IGSF10: variants seen among roughly 807,000 people sequenced by gnomAD.
The protein encoded by IGSF10 is calvaria mechanical force protein 608.
IGSF10 carries 126 observed loss-of-function variants against 128.2 expected under a neutral mutation model. The ratio of observed to expected loss-of-function variants is 0.98; its 90% CI spans 0.85 to 1.14. IGSF10 has a LOEUF of 1.14. Ranked by LOEUF, IGSF10 falls within the 50% of genes most tolerant of loss-of-function variation. The pLI is 0.00. For synonymous variants in IGSF10, 1,185 were observed against 1,146.2 expected (o/e 1.03, Z -0.68); for missense variants, 3,295 against 3,149.8 (o/e 1.05, Z -1.10).
At chr3:151,550,699 T>C in the IGSF10 span, among the ~76,000 whole-genome samples, 12 of 152,120 alleles carry the variant, frequency 7.9e-5, no homozygotes, top group Non-Finnish European at 1.6e-4. Context: ...ATTTCTACTG[T>C]CTGACCATGC....
the IGSF10 span, among the ~76,000 whole-genome samples, chr3:151,617,281 T>C: frequency 8.5e-6 from 1 of 117,046 alleles, no homozygotes; most frequent in South Asian, 3.2e-4. Flanking sequence ...CTTCTTCTTC[T>C]TCTTCTTCTT....
At chr3:151,558,934 A>G in the IGSF10 span, among the ~76,000 whole-genome samples, 1 of 152,154 alleles carries the variant, frequency 6.6e-6, no homozygotes, top group African/African-American at 2.4e-5. Flanking sequence ...AGTAAATTTT[A>G]GAAATGTAAT....
chr3:151,445,095 G>T lies in IGSF10; in HGVS notation c.4886C>A (p.Ala1629Glu). 1 of 1,614,164 alleles carries T rather than the reference G, an allele frequency of 6.2e-7. No homozygotes were observed. The highest frequency in any genetic ancestry group is 8.5e-7 in the Non-Finnish European group (1 of 1,180,008). Reference sequence around the variant, plus strand: ...AAAGGGAAGGAGTTTGGAAGTTGTTGCTTCTTGAACTGGTTTCTTATCAAA... The same window carrying T: ...AAAGGGAAGGAGTTTGGAAGTTGTTTCTTCTTGAACTGGTTTCTTATCAAA... ...SDFDKKPVQE[A>E]TTSKLLPFDS... Residue 1629 changes from alanine (A) to glutamate (E), a missense_variant, in exon 6 of 8, where the codon GCA becomes GAA. Transcript: ENST00000282466.
the IGSF10 span, among the ~76,000 whole-genome samples, chr3:151,484,321 AC>A: frequency 6.0e-4 from 91 of 151,330 alleles, no homozygotes; most frequent in Non-Finnish European, 1.1e-3. Flanking sequence ...ATAGATAAAA[AC>A]CCCCACCTCC....
the IGSF10 span, among the ~76,000 whole-genome samples, chr3:151,500,661 A>C: frequency 2.0e-5 from 3 of 152,148 alleles, no homozygotes; most frequent in African/African-American, 7.2e-5. Context: ...TCGAGACTCA[A>C]AAAAGCAATA....
At chr3:151,562,525 A>G in the IGSF10 span, among the ~76,000 whole-genome samples, 1 of 152,050 alleles carries the variant, frequency 6.6e-6, no homozygotes, top group Non-Finnish European at 1.5e-5. Context: ...CTTTCCGGTA[A>G]CAGTTTTACT....
rs538808825 is a variant in IGSF10, at chr3:151,448,877, G to A, written c.1104C>T (p.Tyr368=). 2.2e-5 allele frequency: 36 copies of A among 1,614,178 alleles called. No individual in the cohort carries two copies. The highest frequency in any genetic ancestry group is 8.8e-5 in the South Asian group (8 of 91,076). ...TTTGCCACACTGGCTGAATGTGACC[G>A]TAATCTATGTTGCACACCAAAAATG... The part of the protein sequence containing the change: ...FSTFLVCNID[Y]GHIQPVWQIL... The change falls in exon 6 of 8, where the codon TAC becomes TAT. Residue 368 remains tyrosine (Y), a synonymous_variant. Coordinates refer to ENST00000282466, the MANE Select transcript of IGSF10 (RefSeq NM_178822.5).
the IGSF10 span, among the ~76,000 whole-genome samples, chr3:151,610,447 T>C: frequency 2.0e-5 from 3 of 152,158 alleles, no homozygotes; most frequent in Non-Finnish European, 4.4e-5. Flanking sequence ...TGATACAAAA[T>C]GAAAAACTTT....
the IGSF10 span, among the ~76,000 whole-genome samples, chr3:151,601,308 T>C: frequency 1.3e-5 from 2 of 152,164 alleles, no homozygotes; most frequent in African/African-American, 4.8e-5. Context: ...CCGAAAATGA[T>C]TAGAATAATA....
At chr3:151,461,489 T>C (rs1367252176), upstream of IGSF10, 5 of 902,118 alleles carry the variant, frequency 5.5e-6, no homozygotes, top group African/African-American at 9.0e-5. Flanking sequence ...ATATTGCGTA[T>C]ATTTAAGGTA....
the IGSF10 span, among the ~76,000 whole-genome samples, chr3:151,491,001 A>C: frequency 6.6e-6 from 1 of 152,132 alleles, no homozygotes; most frequent in Non-Finnish European, 1.5e-5. Context: ...GGAAGGAAGG[A>C]AATAAAGATT....
Position 151,443,608 on chromosome 3 carries a change from A to G in IGSF10, c.5339T>C (p.Ile1780Thr). Residue 1780 changes from isoleucine (I) to threonine (T), a missense_variant, in exon 7 of 8, where the codon ATT becomes ACT. Coordinates refer to ENST00000282466, the MANE Select transcript of IGSF10 (RefSeq NM_178822.5). ...TGAGACAACTGTTTGGTTTGCAAGA[A>G]TCCAGGTAACTGTAGGGCTTGGCCT... ...EGRPSPTVTW[I>T]LANQTVVSES... The G allele has an allele frequency of 1.2e-6, 2 of 1,614,212 alleles. No homozygotes were observed. Among genetic ancestry groups the G allele is most frequent in the Non-Finnish European group, 1.7e-6 (2 of 1,180,042 alleles).
At chr3:151,545,860 G>A in the IGSF10 span, among the ~76,000 whole-genome samples, 512 of 152,248 alleles carry the variant, frequency 3.4e-3, 2 homozygotes, top group Middle Eastern at 6.8e-3. Flanking sequence ...GAATCAGGAA[G>A]AAGCAAAAGG....
chr3:151,566,826 G>A, the IGSF10 span, among the ~76,000 whole-genome samples: 1 of 152,206 alleles, frequency 6.6e-6, no homozygotes, highest in Non-Finnish European at 1.5e-5. Context: ...ATGTCAAGAA[G>A]AATTATATTT....
the IGSF10 span, among the ~76,000 whole-genome samples, chr3:151,503,934 G>T: frequency 6.6e-6 from 1 of 152,058 alleles, no homozygotes; most frequent in Admixed American, 6.6e-5. Flanking sequence ...AGTCTGGGTG[G>T]TGCCTGCTTG....
downstream of IGSF10, chr3:151,435,388 G>GTATC (rs1560164363): frequency 1.4e-5 from 2 of 139,540 alleles, no homozygotes; most frequent in African/African-American, 5.4e-5. Flanking sequence ...AGATCAATGC[G>GTATC]TAGCTTTGAC....
At chr3:151,467,863 G>A in the IGSF10 span, among the ~76,000 whole-genome samples, 43,788 of 147,768 alleles carry the variant, frequency 0.3, 7,005 homozygotes, top group East Asian at 0.37. Flanking sequence ...CAGCCTGGGC[G>A]ACAGCGAGAC....
At chr3:151,596,985 T>C in the IGSF10 span, among the ~76,000 whole-genome samples, 744 of 151,944 alleles carry the variant, frequency 4.9e-3, 1 homozygote, top group African/African-American at 0.017. Context: ...AGGCAAGTTG[T>C]GTAACTTCTC....
Position 151,445,712 on chromosome 3 carries a change from T to C in IGSF10, c.4269A>G (p.Glu1423=). Residue 1423 remains glutamate (E), a synonymous_variant, in exon 6 of 8, where the codon GAA becomes GAG. Transcript: ENST00000282466. ...AAGTCTGAGTACTTGCTTGGGCTAG[T>C]TCTTCAATCACATCTGTCAGATTAA... ...RTLNLTDVIE[E]LAQASTQTLK... The C allele has an allele frequency of 6.2e-7, 1 of 1,614,242 alleles. No individual in the cohort carries two copies. The highest frequency in any genetic ancestry group is 8.5e-7 in the Non-Finnish European group (1 of 1,180,038).
Sources: gnomAD v4.1 joint callset for allele counts (sites outside exome capture counted in the v4.1 genomes callset) on GRCh38, gnomAD v4.1.1 for gene constraint, MANE v1.5 for transcripts, NCBI Gene and HGNC (gene_info 2026-07-23, HGNC 2026-07-21) for gene names.